RGS3: variants seen among roughly 807,000 people sequenced by gnomAD.
The protein encoded by RGS3 is regulator of G-protein signalling 3.
In RGS3, 80 loss-of-function variants were observed where a neutral mutation model predicts 132.6. The observed-to-expected ratio is 0.60, with a 90% confidence interval of 0.50 to 0.73. RGS3 has a LOEUF of 0.73. Among genes scored for constraint, RGS3 ranks in the 30% least tolerant of loss-of-function variants. The pLI, the probability that RGS3 is intolerant of heterozygous loss-of-function variation, is 0.00. For synonymous variants in RGS3, 598 were observed against 620.6 expected (o/e 0.96, Z 0.54); for missense variants, 1,382 against 1,530.8 (o/e 0.90, Z 1.62).
chr9:113,504,657 A>G (rs984863145), intron 10 of RGS3, among the ~76,000 whole-genome samples: 1 of 152,220 alleles, frequency 6.6e-6, no homozygotes, highest in African/African-American at 2.4e-5. Flanking sequence ...CTGTATGTCC[A>G]CAGAGCCTGG....
intron 10 of RGS3, among the ~76,000 whole-genome samples, chr9:113,503,872 G>T (rs1214157510): frequency 1.3e-5 from 2 of 152,148 alleles, no homozygotes; most frequent in African/African-American, 4.8e-5. Flanking sequence ...CTTTCCCCCA[G>T]CTTTCCACAC....
At chr9:113,576,199 C>CA (rs1028508506) in intron 19 of RGS3, among the ~76,000 whole-genome samples, 6 of 150,212 alleles carry the variant, frequency 4.0e-5, no homozygotes, top group Non-Finnish European at 7.4e-5. Context: ...GACTCCATCT[C>CA]AAAAAAAACA....
chr9:113,524,866 G>A (rs536657315), intron 17 of RGS3, among the ~76,000 whole-genome samples: 26 of 152,354 alleles, frequency 1.7e-4, no homozygotes, highest in African/African-American at 6.0e-4. Flanking sequence ...CCAGGCCCCA[G>A]ACTTGAAGCT....
rs1004521545 is a variant in RGS3, at chr9:113,562,413, G to A, written c.2038-21037G>A. On this transcript the variant is annotated intron_variant, in intron 19 of 24. Coordinates refer to ENST00000350696, the Ensembl canonical transcript of RGS3. ...AATTGCCTGAATCCAGGAGGCAGAG[G>A]TTGCAGTGAGCCAAGATCGTGCCAC... is the stretch of plus-strand genomic sequence containing the variant. Among the ~76,000 whole-genome samples, 22 of 150,112 alleles carry A rather than the reference G, an allele frequency of 1.5e-4. 1 individual carries two copies. Among genetic ancestry groups the A allele is most frequent in the Admixed American group, 1.1e-3 (16 of 15,022 alleles).
chr9:113,550,318 G>C (rs1254782225), intron 19 of RGS3, among the ~76,000 whole-genome samples: 2 of 152,198 alleles, frequency 1.3e-5, no homozygotes, highest in Non-Finnish European at 2.9e-5. Flanking sequence ...AGCTGAGATT[G>C]TGTCAACTGC....
At chr9:113,566,058 G>A (rs1035459392) in intron 19 of RGS3, among the ~76,000 whole-genome samples, 12 of 152,112 alleles carry the variant, frequency 7.9e-5, no homozygotes, top group African/African-American at 2.2e-4. Flanking sequence ...CCAAAAAGTC[G>A]GGACACTGCA....
intron 3 of RGS3, among the ~76,000 whole-genome samples, chr9:113,473,030 G>A (rs1052542519): frequency 2.3e-4 from 35 of 152,214 alleles, no homozygotes; most frequent in African/African-American, 8.4e-4. Context: ...GACAGAGTGA[G>A]ACTCCATCTC....
chr9:113,573,770 G>T (rs900282319), intron 19 of RGS3, among the ~76,000 whole-genome samples: 4 of 152,148 alleles, frequency 2.6e-5, no homozygotes, highest in African/African-American at 9.7e-5. Context: ...CAACCATGTG[G>T]AGTCCGAGCG....
chr9:113,583,554 G>A lies in RGS3; in HGVS notation c.2142G>A (p.Gln714=), dbSNP rs1412231110. ...CCAGCAAGGAGCCCTCTCCTGGCCA[G>A]GAGCTTCCTCCAGGACAAGACCTTC... The change falls in exon 20 of 25, where the codon CAG becomes CAA. Residue 714 remains glutamine, a synonymous_variant. Transcript: ENST00000350696. 5.0e-6 allele frequency: 8 copies of A among 1,614,186 alleles called. No homozygotes were observed. In the Middle Eastern group the frequency reaches 4.9e-4, roughly 100 times the overall value.
At chr9:113,563,859 G>A (rs772512885) in intron 19 of RGS3, among the ~76,000 whole-genome samples, 1 of 152,210 alleles carries the variant, frequency 6.6e-6, no homozygotes, top group Non-Finnish European at 1.5e-5. Flanking sequence ...GAAACATCCC[G>A]AGACCCTGGG....
At chr9:113,492,350 A>G (rs1588156643) in intron 7 of RGS3, among the ~76,000 whole-genome samples, 2 of 152,266 alleles carry the variant, frequency 1.3e-5, no homozygotes, top group African/African-American at 4.8e-5. Flanking sequence ...CCAGCCTGTG[A>G]GCCCTAAACT....
chr9:113,523,099 C>T lies in RGS3; in HGVS notation c.1870+58C>T, dbSNP rs568066921. ...CTCAACTTGCCCCAGTCCCACTGCT[C>T]TGGGCAGCCCTCTGGGATCTGGCTG... On this transcript the variant is annotated intron_variant, in intron 17 of 24. Transcript: ENST00000350696. 3 of 1,106,610 alleles carry T rather than the reference C, an allele frequency of 2.7e-6. No homozygotes were observed. In the South Asian group the frequency reaches 3.7e-5, roughly 14 times the overall value. The allele number at this position is 1,106,610 out of a possible 1,614,324, so 68.5% of individuals were successfully genotyped here.
At chr9:113,456,356 A>G (rs538273064), upstream of RGS3, among the ~76,000 whole-genome samples, 117 of 152,310 alleles carry the variant, frequency 7.7e-4, no homozygotes, top group African/African-American at 2.6e-3. Flanking sequence ...GGGTCACCCA[A>G]CCTTAGCAGG....
intron 19 of RGS3, among the ~76,000 whole-genome samples, chr9:113,568,760 C>T (rs1032122807): frequency 1.3e-5 from 2 of 152,240 alleles, no homozygotes; most frequent in Admixed American, 6.5e-5. Context: ...GCTTATGGCT[C>T]AGCCCCCTAA....
intron 1 of RGS3, among the ~76,000 whole-genome samples, chr9:113,450,138 C>T (rs183851030): frequency 2.1e-4 from 31 of 151,126 alleles, no homozygotes; most frequent in Non-Finnish European, 4.0e-4. Context: ...GCCGTGATCT[C>T]GGCTCACTGC....
chr9:113,451,609 A>G (rs569936392), intron 1 of RGS3, among the ~76,000 whole-genome samples: 1 of 151,954 alleles, frequency 6.6e-6, no homozygotes, highest in Non-Finnish European at 1.5e-5. Flanking sequence ...GCTTCCCTTG[A>G]GTTTGCTTCT....
intron 1 of RGS3, among the ~76,000 whole-genome samples, chr9:113,447,327 A>ATATATATATG (rs1484683848): frequency 1.4e-5 from 1 of 72,618 alleles, no homozygotes; most frequent in South Asian, 5.3e-4. Flanking sequence ...ATGTATGTAT[A>ATATATATATG]TGTATATATA....
chr9:113,580,810 G>A (rs549050504), intron 19 of RGS3: 177 of 985,792 alleles, frequency 1.8e-4, no homozygotes, highest in Non-Finnish European at 2.1e-4. Flanking sequence ...TGGGTTTGTT[G>A]CTGCACTTTC....
intron 10 of RGS3, chr9:113,501,680 G>A (rs1198324473): frequency 2.0e-6 from 3 of 1,513,854 alleles, no homozygotes; most frequent in Non-Finnish European, 2.7e-6. Flanking sequence ...CAGGGATAGG[G>A]GTAGAGGGAC....
Sources: gnomAD v4.1 joint callset for allele counts (sites outside exome capture counted in the v4.1 genomes callset) on GRCh38, gnomAD v4.1.1 for gene constraint, MANE v1.5 for transcripts, NCBI Gene and HGNC (gene_info 2026-07-23, HGNC 2026-07-21) for gene names.